SLC19A1: variants seen among roughly 807,000 people sequenced by gnomAD.
SLC19A1 encodes the protein solute carrier family 19 member 1, also known as reduced folate transporter.
SLC19A1 carries 37 observed loss-of-function variants against 35.3 expected under a neutral mutation model. That is an observed-to-expected ratio of 1.05 (90% CI 0.81 to 1.38). The LOEUF (loss-of-function observed/expected upper bound fraction) is 1.38. Among genes scored for constraint, SLC19A1 ranks in the 40% most tolerant of loss-of-function variants. The pLI is 0.00. For synonymous variants in SLC19A1, 460 were observed against 398.5 expected, an observed-to-expected ratio of 1.15 and a Z score of -1.84; for missense variants, 831 against 826.9, an observed-to-expected ratio of 1.00 and a Z score of -0.06.
At position 45,515,516 on chromosome 21, in the gene SLC19A1, GGC is replaced by G; in HGVS notation, c.*140_*141del. On this transcript the variant is annotated 3_prime_UTR_variant, in exon 6 of 6. Coordinates refer to ENST00000311124, the MANE Select transcript of SLC19A1 (RefSeq NM_194255.4). ...CACGCTGTGGCCACCGCCAGAGTGCGGCACAGGGCAGGGGGAATCCTAGGGGG... is the reference window on the plus strand; with the variant it reads ...CACGCTGTGGCCACCGCCAGAGTGCGACAGGGCAGGGGGAATCCTAGGGGG... The G allele has an allele frequency of 6.6e-7, 1 of 1,516,664 alleles. No homozygotes were observed. The highest frequency in any genetic ancestry group is 8.7e-7 in the Non-Finnish European group (1 of 1,146,580). 94.0% of individuals were successfully genotyped at this position (1,516,664 alleles called of 1,614,324 possible).
intron 5 of SLC19A1, among the ~76,000 whole-genome samples, 175 bp from the exon 6 acceptor site, chr21:45,516,315 C>CA (rs1555879341): frequency 3.9e-5 from 6 of 152,056 alleles, no homozygotes; most frequent in Non-Finnish European, 7.4e-5. Flanking sequence ...TCACCACAGC[C>CA]CCCCCGACCT....
chr21:45,518,981 C>T (rs1222722749), intron 5 of SLC19A1, among the ~76,000 whole-genome samples: 1 of 152,148 alleles, frequency 6.6e-6, no homozygotes, highest in Non-Finnish European at 1.5e-5. Flanking sequence ...AACAGACTTT[C>T]CTTCTTTAGT....
intron 1 of SLC19A1, among the ~76,000 whole-genome samples, chr21:45,538,580 G>A (rs1211054084): frequency 1.3e-5 from 2 of 152,230 alleles, no homozygotes; most frequent in Admixed American, 1.3e-4. Context: ...TCAGCCGCGT[G>A]CCCTGGCAGG....
chr21:45,509,745 G>T (rs778741854), downstream of SLC19A1: 5 of 702,368 alleles, frequency 7.1e-6, no homozygotes, highest in South Asian at 4.5e-5. Flanking sequence ...CACTCAGGGC[G>T]GCTTGGCTGG....
In SLC19A1 at chr21:45,562,129, CAA is replaced by C. The variant is rs34594751; in HGVS notation, c.-50+611_-50+612del. Among the ~76,000 whole-genome samples the C allele has an allele frequency of 1.6e-3, 190 of 121,542 alleles. 1 individual carries two copies. The highest frequency in any genetic ancestry group is 4.4e-3 in the Middle Eastern group (1 of 226). The allele number at this position is 121,542 out of a possible 152,430, so 79.7% of individuals were successfully genotyped here. On this transcript the variant is annotated intron_variant, in intron 1 of 5. Transcript: ENST00000650808. ...CTGGCAACAGATCAAGACTCTGTCT[CAA>C]AAAAAAAAAAAAAAAAAGACAAATC...
chr21:45,543,093 C>T (rs2078361895), upstream of SLC19A1, among the ~76,000 whole-genome samples: 1 of 152,124 alleles, frequency 6.6e-6, no homozygotes, highest in South Asian at 2.1e-4. Flanking sequence ...AGGACGTGGC[C>T]CGGGGCCACC....
At position 45,515,743 on chromosome 21, in the gene SLC19A1, G is replaced by A; in HGVS notation, c.1691C>T (p.Pro564Leu). Residue 564 changes from proline (P) to leucine (L), a missense_variant, in exon 6 of 6, where the codon CCC becomes CTC. Transcript: ENST00000311124. ...SGPEAADETCPQLAVHPPGVS... is the reference protein window; with the variant it reads ...SGPEAADETCLQLAVHPPGVS... ...ACCAGGAGGATGGACAGCCAGCTGGGGACAAGTCTCATCTGCAGCCTCAGG... is the reference window on the plus strand; with the variant it reads ...ACCAGGAGGATGGACAGCCAGCTGGAGACAAGTCTCATCTGCAGCCTCAGG... 1 of 1,613,814 alleles carries A rather than the reference G, an allele frequency of 6.2e-7. No homozygotes were observed. Among genetic ancestry groups the A allele is most frequent in the Non-Finnish European group, 8.5e-7 (1 of 1,180,008 alleles).
intron 2 of SLC19A1, among the ~76,000 whole-genome samples, chr21:45,535,169 C>CG (rs994211231): frequency 1.3e-5 from 2 of 152,050 alleles, no homozygotes; most frequent in Non-Finnish European, 2.9e-5. Context: ...GGTCCTGGGC[C>CG]GGGGGGTCTC....
chr21:45,503,331 G>A (rs2036966398), intron 3 of SLC19A1, among the ~76,000 whole-genome samples: 1 of 152,014 alleles, frequency 6.6e-6, no homozygotes, highest in African/African-American at 2.4e-5. Context: ...GTGATGATGA[G>A]CATTTTTTCA....
At chr21:45,562,309 C>T (rs780712798) in intron 1 of SLC19A1, among the ~76,000 whole-genome samples, 10 of 152,162 alleles carry the variant, frequency 6.6e-5, no homozygotes, top group East Asian at 1.9e-4. Flanking sequence ...CGACACCACA[C>T]GCATTCACCA....
At chr21:45,562,472 A>G (rs2078624951) in intron 1 of SLC19A1, among the ~76,000 whole-genome samples, 1 of 152,244 alleles carries the variant, frequency 6.6e-6, no homozygotes. Context: ...ACTGAAAAAA[A>G]CAGGCAAATA....
intron 3 of SLC19A1, chr21:45,506,056 A>G (rs757321185): frequency 4.0e-5 from 64 of 1,594,624 alleles, no homozygotes; most frequent in Non-Finnish European, 5.1e-5. Flanking sequence ...CAGGCCCCGG[A>G]CAGGGATGGG....
At chr21:45,537,304 A>G (rs3788202) in intron 2 of SLC19A1, among the ~76,000 whole-genome samples, 118,620 of 152,102 alleles carry the variant, frequency 0.78, 46,919 homozygotes, top group African/African-American at 0.92. Context: ...GGTTCCCTCC[A>G]GGACCATATT....
downstream of SLC19A1, chr21:45,510,974 C>CA: frequency 1.0e-4 from 2 of 19,796 alleles, no homozygotes; most frequent in Admixed American, 5.0e-4. Context: ...CACCCCCAAA[C>CA]ACCCCCCACA....
At chr21:45,524,908 T>C (rs2077555800) in intron 5 of SLC19A1, among the ~76,000 whole-genome samples, 1 of 152,194 alleles carries the variant, frequency 6.6e-6, no homozygotes, top group Non-Finnish European at 1.5e-5. Flanking sequence ...TGTTCACACC[T>C]GGGTCGGGGG....
intron 1 of SLC19A1, among the ~76,000 whole-genome samples, chr21:45,553,170 T>C (rs1254277263): frequency 6.6e-6 from 1 of 152,106 alleles, no homozygotes; most frequent in Non-Finnish European, 1.5e-5. Context: ...TGCAGTTTTG[T>C]AAGCAGAGGC....
At position 45,534,601 on chromosome 21, in the gene SLC19A1, C is replaced by T; in HGVS notation, c.190-2453G>A. On this transcript the variant is annotated intron_variant, in intron 2 of 5. Transcript: ENST00000311124. The surrounding 1 kb of genome is among the most constrained non-coding windows in gnomAD (Gnocchi z 4.2). Reference sequence around the variant, plus strand: ...CAGGAGCTGGCTCTGCAGGCTGGGGCCTCATCAGGCACCTCCTGGTCTTAG... The same window carrying T: ...CAGGAGCTGGCTCTGCAGGCTGGGGTCTCATCAGGCACCTCCTGGTCTTAG... 1 of 1,535,662 alleles carries T rather than the reference C, an allele frequency of 6.5e-7. No homozygotes were observed. The highest frequency in any genetic ancestry group is 8.7e-7 in the Non-Finnish European group (1 of 1,146,842).
chr21:45,554,434 T>TC (rs1486783308), intron 1 of SLC19A1, among the ~76,000 whole-genome samples: 1 of 250 alleles, frequency 4.0e-3, no homozygotes, highest in Non-Finnish European at 7.7e-3. Context: ...CCCATCCCAG[T>TC]CCCCCGCGCC....
Position 45,550,218 on chromosome 21 carries a change from G to A in SLC19A1, c.-49-12210C>T, listed in dbSNP as rs376332928. On this transcript the variant is annotated intron_variant, in intron 1 of 5. Coordinates refer to the SLC19A1 transcript ENST00000650808. ...CCCATGCACCGCCCTGGTCACTTCT[G>A]TGGTTTGGGGTGTTTCCCTCCTGGG... Among the ~76,000 whole-genome samples the A allele has an allele frequency of 1.4e-4, 21 of 152,260 alleles. No homozygotes were observed. The East Asian group carries it at 2.9e-3, about 21-fold the overall frequency.
Sources: gnomAD v4.1 joint callset for allele counts (sites outside exome capture counted in the v4.1 genomes callset) on GRCh38, gnomAD v4.1.1 for gene constraint, Gnocchi (gnomAD v3.1) non-coding constraint, MANE v1.5 for transcripts, NCBI Gene and HGNC (gene_info 2026-07-23, HGNC 2026-07-21) for gene names.